Variants in ZNF157 observed in about 807,000 individuals in gnomAD.
ZNF157 encodes the protein zinc finger protein 157.
A neutral mutation model predicts 9.4 loss-of-function variants in ZNF157; 8 were observed. That is an observed-to-expected ratio of 0.85 (90% CI 0.50 to 1.53). The LOEUF (loss-of-function observed/expected upper bound fraction) is 1.53. Among genes scored for constraint, ZNF157 ranks in the 40% most tolerant of loss-of-function variants. The pLI, the probability that ZNF157 is intolerant of heterozygous loss-of-function variation, is 0.00. For missense variants in ZNF157, 316 were observed against 385.2 expected, an observed-to-expected ratio of 0.82 and a Z score of 1.50; for synonymous variants, 120 against 130.8, an observed-to-expected ratio of 0.92 and a Z score of 0.56.
At chrX:47,391,695 C>CATGT (rs111995158) in intron 1 of ZNF157, among the ~76,000 whole-genome samples, 2,419 of 111,561 alleles carry the variant, frequency 0.022, 70 homozygotes, top group African/African-American at 0.076. Flanking sequence ...GCACTACAGG[C>CATGT]ATGTGCCACC....
At chrX:47,385,423 G>A (rs1425495178) in intron 1 of ZNF157, among the ~76,000 whole-genome samples, 7 of 110,919 alleles carry the variant, frequency 6.3e-5, no homozygotes, top group Non-Finnish European at 1.3e-4. Flanking sequence ...ATTTTACGGT[G>A]TTACTCTAAG....
intron 1 of ZNF157, among the ~76,000 whole-genome samples, chrX:47,387,172 G>A (rs972490582): frequency 2.6e-4 from 28 of 107,609 alleles, no homozygotes; most frequent in African/African-American, 9.5e-4. Flanking sequence ...GCCCAGGCTG[G>A]AGTGCAGTGG....
intron 1 of ZNF157, among the ~76,000 whole-genome samples, chrX:47,406,140 G>A (rs1381928709): frequency 9.1e-6 from 1 of 109,665 alleles, no homozygotes; most frequent in African/African-American, 3.3e-5. Flanking sequence ...ATGTTGGCCA[G>A]GATGGTCTTG....
In ZNF157 at chrX:47,410,627, G is replaced by A; in HGVS notation, c.200-53G>A. 4.6e-6 allele frequency: 5 copies of A among 1,093,248 alleles called. No homozygotes were observed. In the South Asian group the frequency reaches 7.8e-5, roughly 17 times the overall value. 90.1% of individuals were successfully genotyped at this position (1,093,248 alleles called of 1,213,427 possible). A position where few individuals can be genotyped will look rare whatever the true frequency, so the allele number is the denominator to read the frequency against. On this transcript the variant is annotated intron_variant, in intron 2 of 3. Transcript: ENST00000377073. ...GATGCACCTTCCTCCTCCATCAGAGGCCCTAGAGCTCAGACAACTTGGCCC... is the reference window on the plus strand; with the variant it reads ...GATGCACCTTCCTCCTCCATCAGAGACCCTAGAGCTCAGACAACTTGGCCC...
intron 1 of ZNF157, chrX:47,391,300 T>C (rs773066239): frequency 8.9e-6 from 1 of 112,283 alleles, no homozygotes; most frequent in East Asian, 2.8e-4. Flanking sequence ...TGGCTCCCAT[T>C]TGCAACTCAT....
chrX:47,412,835 CT>C lies in ZNF157; in HGVS notation c.766del (p.Ser256LeufsTer30). 2 of 1,211,444 alleles carry C rather than the reference CT, an allele frequency of 1.7e-6. No homozygotes were observed. The highest frequency in any genetic ancestry group is 2.2e-5 in the Admixed American group (1 of 45,992). ...PYECTECGKT[F>X]SEKATLTIHQ... is the part of the protein sequence containing the mutation. ...ATGAATGTACTGAATGTGGGAAAAC[CT>C]TTTCTGAGAAGGCAACCCTCACGAT... On this transcript the variant is annotated frameshift_variant, in exon 4 of 4. Transcript: ENST00000377073. LOFTEE classifies it low-confidence loss of function (END_TRUNC).
chrX:47,383,371 CAAAAAAAAA>C (rs35133137), intron 1 of ZNF157, among the ~76,000 whole-genome samples: 7 of 18,824 alleles, frequency 3.7e-4, no homozygotes, highest in Non-Finnish European at 8.9e-4. Context: ...GACTCAGTCT[CAAAAAAAAA>C]AAAAAAAAAA....
chrX:47,394,307 C>T (rs1213701756), intron 1 of ZNF157, among the ~76,000 whole-genome samples: 1 of 111,179 alleles, frequency 9.0e-6, no homozygotes, highest in African/African-American at 3.3e-5. Flanking sequence ...TGGCCTCCTA[C>T]AGTGCTGGGA....
intron 1 of ZNF157, among the ~76,000 whole-genome samples, chrX:47,374,342 A>G (rs2055837052): frequency 9.1e-6 from 1 of 110,159 alleles, no homozygotes; most frequent in African/African-American, 3.3e-5. Context: ...AATGCATGTG[A>G]GAACAATTGT....
chrX:47,404,830 G>A (rs1367493731), intron 1 of ZNF157, among the ~76,000 whole-genome samples: 1 of 109,431 alleles, frequency 9.1e-6, no homozygotes, highest in Admixed American at 1.0e-4. Flanking sequence ...TTTATTTTAG[G>A]TTTCGGGTAC....
At chrX:47,404,951 G>A (rs1002699191) in intron 1 of ZNF157, among the ~76,000 whole-genome samples, 11 of 110,630 alleles carry the variant, frequency 9.9e-5, no homozygotes, top group Admixed American at 9.8e-4. Flanking sequence ...TGCTTTTGGG[G>A]AGGACTCAGG....
intron 1 of ZNF157, among the ~76,000 whole-genome samples, chrX:47,377,897 C>T (rs927067446): frequency 1.0e-4 from 11 of 110,368 alleles, no homozygotes; most frequent in Non-Finnish European, 1.7e-4. Context: ...CTTTTGCCCA[C>T]TTTTTAATTG....
At chrX:47,396,718 G>T (rs2055914571) in intron 1 of ZNF157, among the ~76,000 whole-genome samples, 1 of 110,938 alleles carries the variant, frequency 9.0e-6, no homozygotes, top group African/African-American at 3.3e-5. Flanking sequence ...GCAGAGTCTG[G>T]GTGTATTAGT....
chrX:47,399,843 T>A (rs1403009446), intron 1 of ZNF157, among the ~76,000 whole-genome samples: 1 of 110,942 alleles, frequency 9.0e-6, no homozygotes, highest in Non-Finnish European at 1.9e-5. Context: ...TCATGCCTAG[T>A]TAATTTTTGG....
intron 1 of ZNF157, among the ~76,000 whole-genome samples, chrX:47,374,380 CAG>C (rs1186805315): frequency 9.6e-6 from 1 of 104,242 alleles, no homozygotes; most frequent in African/African-American, 3.5e-5. Flanking sequence ...GCATATAGAA[CAG>C]AATTAATAGA....
chrX:47,386,409 A>G (rs2055879510), intron 1 of ZNF157, among the ~76,000 whole-genome samples: 1 of 110,948 alleles, frequency 9.0e-6, no homozygotes, highest in Non-Finnish European at 1.9e-5. Context: ...CTCTATCTCT[A>G]GAATGTTGTC....
At chrX:47,406,108 T>G (rs1172906901) in intron 1 of ZNF157, among the ~76,000 whole-genome samples, 1 of 109,765 alleles carries the variant, frequency 9.1e-6, no homozygotes. Flanking sequence ...TTATTTTAAA[T>G]AGATAGAGTT....
Position 47,413,091 on chromosome X carries a change from C to T in ZNF157, c.1018C>T (p.Arg340Ter), listed in dbSNP as rs144965404. Residue 340 changes from arginine to a stop codon, truncating the protein, a stop_gained, in exon 4 of 4, where the codon CGA becomes TGA. Transcript: ENST00000377073. LOFTEE classifies it low-confidence loss of function (END_TRUNC). ...YECGECGKFF[R>*]MKMTLNNHQR... ...GTGTGGTGAATGTGGGAAATTCTTC[C>T]GAATGAAGATGACTCTCAATAATCA... 23 of 1,207,685 alleles carry T rather than the reference C, an allele frequency of 1.9e-5. No homozygotes were observed. The highest frequency in any genetic ancestry group is 1.3e-4 in the Admixed American group (6 of 45,539).
intron 1 of ZNF157, among the ~76,000 whole-genome samples, chrX:47,406,571 C>T (rs780641199): frequency 4.5e-5 from 5 of 111,290 alleles, no homozygotes; most frequent in East Asian, 5.7e-4. Flanking sequence ...GACAGGGTTT[C>T]GCCATGTTGG....
Sources: allele counts gnomAD v4.1 joint callset (sites outside exome capture counted in the v4.1 genomes callset), GRCh38; gene constraint gnomAD v4.1.1; transcripts MANE v1.5; gene names NCBI Gene and HGNC (gene_info 2026-07-23, HGNC 2026-07-21).